AHNAK: variants seen among roughly 807,000 people sequenced by gnomAD.
AHNAK encodes neuroblast differentiation-associated protein AHNAK.
A neutral mutation model predicts 37.8 loss-of-function variants in AHNAK; 23 were observed. That is an observed-to-expected ratio of 0.61 (90% CI 0.44 to 0.86). The LOEUF is 0.86. AHNAK is among the 40% of genes least tolerant of loss of function. The pLI is 0.00. For missense variants in AHNAK, 7,411 were observed against 7,319.4 expected (o/e 1.01, Z -0.46); for synonymous variants, 2,481 against 2,636.3 (o/e 0.94, Z 1.80).
chr11:62,534,839 A>G (rs947503405), intron 4 of AHNAK, among the ~76,000 whole-genome samples, 164 bp downstream of exon 4: 1 of 152,220 alleles, frequency 6.6e-6, no homozygotes, highest in Non-Finnish European at 1.5e-5. Flanking sequence ...ACGAAAGCGG[A>G]AAGAAACAGG....
Position 62,525,353 on chromosome 11 carries a change from T to C in AHNAK, c.9064A>G (p.Met3022Val), listed in dbSNP as rs537949788. The stretch of plus-strand genomic sequence containing the variant: ...AATTTGGGCATTTTCACTTTGGGCA[T>C]TTTTAGGTGCCAGTCTGGGCCTTGA... ...GVQGPDWHLK[M>V]PKVKMPKFSM... The change falls in exon 5 of 5, where the codon ATG becomes GTG. Residue 3022 changes from methionine (M) to valine (V), a missense_variant. Coordinates refer to ENST00000378024, the MANE Select transcript of AHNAK (RefSeq NM_001620.3). 1 of 1,612,628 alleles carries C rather than the reference T, an allele frequency of 6.2e-7. No homozygotes were observed. The highest frequency in any genetic ancestry group is 8.5e-7 in the Non-Finnish European group (1 of 1,179,656).
chr11:62,531,159 A>G lies in AHNAK; in HGVS notation c.3258T>C (p.Asp1086=), dbSNP rs779691173. 5.6e-6 allele frequency: 9 copies of G among 1,614,102 alleles called. No individual in the cohort carries two copies. Among genetic ancestry groups the G allele is most frequent in the Non-Finnish European group, 7.6e-6 (9 of 1,180,020 alleles). Residue 1086 remains aspartate, a synonymous_variant, in exon 5 of 5, where the codon GAT becomes GAC. Transcript: ENST00000378024. The part of the protein sequence containing the change: ...LKGPKMKGNV[D]ISAPKIEGEM... ...CACCCTCTATCTTTGGTGCAGAGATATCTACATTTCCTTTCATTTTGGGTC... is the reference window on the plus strand; with the variant it reads ...CACCCTCTATCTTTGGTGCAGAGATGTCTACATTTCCTTTCATTTTGGGTC...
rs1285890667 is a variant in AHNAK at position 62,516,150 on chromosome 11, C to T, written c.*594G>A. ...CAAACAGATTCTAATTTCCTCTCAC[C>T]GTCAGCACCAAACTGGCTGGGACCA... On this transcript the variant is annotated 3_prime_UTR_variant, in exon 5 of 5. Transcript: ENST00000378024. 78 of 1,287,790 alleles carry T rather than the reference C, an allele frequency of 6.1e-5. No individual in the cohort carries two copies. The highest frequency in any genetic ancestry group is 7.2e-5 in the Non-Finnish European group (71 of 987,982). 79.8% of individuals were successfully genotyped at this position (1,287,790 alleles called of 1,614,324 possible).
At chr11:62,484,891 G>A (rs1939358078) in intron 5 of AHNAK, among the ~76,000 whole-genome samples, 1 of 152,166 alleles carries the variant, frequency 6.6e-6, no homozygotes, top group African/African-American at 2.4e-5. Flanking sequence ...CCGGGTTCAG[G>A]CGATTCTCTT....
In AHNAK at chr11:62,535,116, T is replaced by G. The variant is rs1439008788; in HGVS notation, c.229A>C (p.Met77Leu). ...TTCAGGCCCACCGTGTGGTGCCCCA[T>G]GGTGTTCAGCAGCTGGGTCACCTCA... ...SGEVTQLLNT[M>L]GHHTVGLKLH... Residue 77 changes from methionine (M) to leucine (L), a missense_variant, in exon 4 of 5, where the codon ATG becomes CTG. Coordinates refer to ENST00000378024, the MANE Select transcript of AHNAK (RefSeq NM_001620.3). 3 of 1,613,854 alleles carry G rather than the reference T, an allele frequency of 1.9e-6. No individual in the cohort carries two copies. The highest frequency in any genetic ancestry group is 2.5e-6 in the Non-Finnish European group (3 of 1,179,824).
At chr11:62,482,427 A>AT (rs1469019191) in intron 5 of AHNAK, among the ~76,000 whole-genome samples, 3 of 150,818 alleles carry the variant, frequency 2.0e-5, no homozygotes, top group Non-Finnish European at 4.4e-5. Context: ...AAAAAAATGT[A>AT]GTATTTAACA....
Position 62,523,346 on chromosome 11 carries a change from C to A in AHNAK, c.11071G>T (p.Val3691Leu), listed in dbSNP as rs760682503. 63 of 1,612,894 alleles carry A rather than the reference C, an allele frequency of 3.9e-5. No homozygotes were observed. The highest frequency in any genetic ancestry group is 1.0e-4 in the Admixed American group (6 of 59,836). Residue 3691 changes from valine to leucine, a missense_variant, in exon 5 of 5, where the codon GTG becomes TTG. Coordinates refer to ENST00000378024, the MANE Select transcript of AHNAK (RefSeq NM_001620.3). ...KGPKMKGDVV[V>L]SLPKVEGDLK... ...TCACCTTCCACTTTGGGCAAAGACA[C>A]AACCACATCACCCTTCATTTTGGGT...
chr11:62,499,044 G>A (rs952302356), intron 4 of AHNAK, among the ~76,000 whole-genome samples: 3 of 152,232 alleles, frequency 2.0e-5, no homozygotes, highest in East Asian at 3.9e-4. Context: ...CCTCTCTTCC[G>A]CCTCGCTTCT....
Position 62,518,274 on chromosome 11 carries a change from T to C in AHNAK, c.16143A>G (p.Lys5381=). The C allele has an allele frequency of 6.2e-7, 1 of 1,614,196 alleles. No homozygotes were observed. Among genetic ancestry groups the C allele is most frequent in the Non-Finnish European group, 8.5e-7 (1 of 1,180,030 alleles). ...QGDLAVSGDI[K]CPKVSVGAPD... is the part of the protein sequence containing the mutation. ...GAGCTCCTACGGATACTTTAGGGCATTTGATGTCACCAGAGACAGCCAGAT... is the reference window on the plus strand; with the variant it reads ...GAGCTCCTACGGATACTTTAGGGCACTTGATGTCACCAGAGACAGCCAGAT... The change falls in exon 5 of 5, where the codon AAA becomes AAG. Residue 5381 remains lysine, a synonymous_variant. Coordinates refer to ENST00000378024, the MANE Select transcript of AHNAK (RefSeq NM_001620.3).
chr11:62,521,967 A>G lies in AHNAK; in HGVS notation c.12450T>C (p.Ser4150=). 1 of 1,612,968 alleles carries G rather than the reference A, an allele frequency of 6.2e-7. No homozygotes were observed. The highest frequency in any genetic ancestry group is 1.1e-5 in the South Asian group (1 of 91,018). Residue 4150 remains serine (S), a synonymous_variant, in exon 5 of 5, where the codon TCT becomes TCC. Coordinates refer to ENST00000378024, the MANE Select transcript of AHNAK (RefSeq NM_001620.3). ...TGAGGTCGCCTTCCACTTTGGGCAG[A>G]GAAACGTCCACGTCGCCCTTCATCT... ...GPKMKGDVDV[S]LPKVEGDLKG...
rs537939264 is a variant in AHNAK at position 62,531,077 on chromosome 11, C to G, written c.3340G>C (p.Asp1114His). The G allele has an allele frequency of 3.7e-6, 6 of 1,613,750 alleles. No homozygotes were observed. The East Asian group carries it at 1.3e-4, about 36-fold the overall frequency. Residue 1114 changes from aspartate to histidine, a missense_variant, in exon 5 of 5, where the codon GAT (aspartate) becomes CAT (histidine). Transcript: ENST00000378024. ...CAGTCCAGGCCTTGGCCTTCCACAT[C>G]TGGTGCTTTAATATCTACCTTGGGA... ...RGPKVDIKAP[D>H]VEGQGLDWSL...
At position 62,525,412 on chromosome 11, in the gene AHNAK, G is replaced by C; in HGVS notation, c.9005C>G (p.Pro3002Arg). Residue 3002 changes from proline to arginine, a missense_variant, in exon 5 of 5, where the codon CCC becomes CGC. Transcript: ENST00000378024. ...ATCCGGGACATCAATGTCCACTTGGGGACCCCTGATGTCAACTTCAGGGCC... is the reference window on the plus strand; with the variant it reads ...ATCCGGGACATCAATGTCCACTTGGCGACCCCTGATGTCAACTTCAGGGCC... ...LKGPEVDIRG[P>R]QVDIDVPDVG... 1 of 1,613,302 alleles carries C rather than the reference G, an allele frequency of 6.2e-7. No homozygotes were observed. The highest frequency in any genetic ancestry group is 1.3e-5 in the African/African-American group (1 of 74,680).
rs1289917087 is a variant in AHNAK, at chr11:62,517,067, T to C, written c.17350A>G (p.Ser5784Gly). 1 of 1,614,190 alleles carries C rather than the reference T, an allele frequency of 6.2e-7. No individual in the cohort carries two copies. Among genetic ancestry groups the C allele is most frequent in the South Asian group, 1.1e-5 (1 of 91,088 alleles). ...GGTCCAGAGAACTCTCTTTCATCAC[T>C]GAATGAATTTGAGCGGTGCCGTGGC... Reference protein sequence around the residue: ...KKPRHRSNSFSDEREFSGPST... With the variant: ...KKPRHRSNSFGDEREFSGPST... The change falls in exon 5 of 5, where the codon AGT becomes GGT. Residue 5784 changes from serine (S) to glycine (G), a missense_variant. Transcript: ENST00000378024.
Position 62,522,031 on chromosome 11 carries a change from A to C in AHNAK, c.12386T>G (p.Ile4129Ser), listed in dbSNP as rs1335544762. The C allele has an allele frequency of 8.1e-6, 13 of 1,613,960 alleles. No individual in the cohort carries two copies. The highest frequency in any genetic ancestry group is 1.1e-5 in the South Asian group (1 of 91,070). Residue 4129 changes from isoleucine (I) to serine (S), a missense_variant, in exon 5 of 5, where the codon ATC becomes AGC. Transcript: ENST00000378024. ...MPDLHLKAPKISMPEVDLNLK... is the reference protein window; with the variant it reads ...MPDLHLKAPKSSMPEVDLNLK... ...ATTCAGGTCAACTTCAGGCATAGAGATCTTCGGTGCCTTGAGGTGCAGGTC... is the reference window on the plus strand; with the variant it reads ...ATTCAGGTCAACTTCAGGCATAGAGCTCTTCGGTGCCTTGAGGTGCAGGTC...
At chr11:62,462,691 G>A (rs2513058) in intron 5 of AHNAK, among the ~76,000 whole-genome samples, 20,995 of 152,140 alleles carry the variant, frequency 0.14, 3,753 homozygotes, top group African/African-American at 0.42. Flanking sequence ...ATCTAAAATC[G>A]CCCAGAAAAT....
chr11:62,497,412 C>T (rs61895401), intron 4 of AHNAK, among the ~76,000 whole-genome samples: 2 of 152,114 alleles, frequency 1.3e-5, no homozygotes, highest in African/African-American at 2.4e-5. Flanking sequence ...CCCCTGAGGC[C>T]CTCCAAGGCC....
At position 62,471,332 on chromosome 11, in the gene AHNAK, G is replaced by T. The variant is rs115132870; in HGVS notation, c.442+20400C>A. 3.6e-3 allele frequency among the ~76,000 whole-genome samples: 543 copies of T among 152,268 alleles called. 7 individuals carry two copies. Among genetic ancestry groups the T allele is most frequent in the African/African-American group, 0.012 (482 of 41,560 alleles). On this transcript the variant is annotated intron_variant, in intron 5 of 5. Coordinates refer to the AHNAK transcript ENST00000257247. The stretch of plus-strand genomic sequence containing the variant: ...CTGGCATCCAGTGGGCAGAAGGCAC[G>T]CCAGGCTAATTTTTGTATTTTTAGT...
intron 4 of AHNAK, among the ~76,000 whole-genome samples, chr11:62,494,630 G>T (rs1939572796): frequency 6.6e-6 from 1 of 152,014 alleles, no homozygotes; most frequent in Non-Finnish European, 1.5e-5. Flanking sequence ...ACTTCGAGAG[G>T]CCAAGGTAGG....
chr11:62,437,862 G>A (rs1052589461), intron 5 of AHNAK, among the ~76,000 whole-genome samples: 2 of 152,100 alleles, frequency 1.3e-5, no homozygotes, highest in Admixed American at 6.6e-5. Flanking sequence ...CTATTATGGT[G>A]GGTGTGTAGT....
Sources: allele counts gnomAD v4.1 joint callset (sites outside exome capture counted in the v4.1 genomes callset), GRCh38; gene constraint gnomAD v4.1.1; transcripts MANE v1.5; gene names NCBI Gene and HGNC (gene_info 2026-07-23, HGNC 2026-07-21).